The following CTDSPL2 variants were observed in gnomAD, a reference collection of about 807,000 sequenced individuals.
The protein encoded by CTDSPL2 is CTD small phosphatase-like protein 2.
A neutral mutation model predicts 60.0 loss-of-function variants in CTDSPL2; 5 were observed. That is an observed-to-expected ratio of 0.08 (90% confidence interval 0.04 to 0.18). CTDSPL2 has a LOEUF of 0.18. CTDSPL2 is among the 10% of genes least tolerant of loss of function. The pLI is 1.00. For synonymous variants in CTDSPL2, 186 were observed against 189.3 expected (o/e 0.98, Z 0.14); for missense variants, 370 against 548.8 (o/e 0.67, Z 3.26).
intron 8 of CTDSPL2, among the ~76,000 whole-genome samples, chr15:44,504,595 C>G (rs533557764): frequency 6.6e-6 from 1 of 151,662 alleles, no homozygotes; most frequent in Non-Finnish European, 1.5e-5. Context: ...CTTTTGAGGC[C>G]GGGGCAGTGG....
chr15:44,468,992 C>G (rs1265525762), intron 2 of CTDSPL2, among the ~76,000 whole-genome samples: 3 of 151,896 alleles, frequency 2.0e-5, no homozygotes, highest in African/African-American at 7.3e-5. Context: ...TGTGTAGATA[C>G]CACTCTGTTT....
rs763876759 is a variant in CTDSPL2, at chr15:44,486,749, A to G, written c.475+49A>G. The G allele has an allele frequency of 5.2e-5, 64 of 1,226,870 alleles. 1 individual carries two copies. The highest frequency in any genetic ancestry group is 2.7e-5 in the Admixed American group (1 of 36,860). The allele number at this position is 1,226,870 out of a possible 1,614,324, so 76.0% of individuals were successfully genotyped here. On this transcript the variant is annotated intron_variant, in intron 4 of 12. Coordinates refer to ENST00000260327, the MANE Select transcript of CTDSPL2 (RefSeq NM_016396.3). ...ATTTGGATTTTTTTTAAAAAAATGC[A>G]TAGTTTGGGTTTTTTTTTTTTTTTT...
chr15:44,514,422 T>G (rs117861501), intron 8 of CTDSPL2, among the ~76,000 whole-genome samples, 176 bp from the exon 9 acceptor site: 2 of 152,380 alleles, frequency 1.3e-5, no homozygotes, highest in East Asian at 3.9e-4. Context: ...GAGATTGGTT[T>G]AAGTGATCGC....
chr15:44,467,284 C>A (rs947091798), intron 2 of CTDSPL2, among the ~76,000 whole-genome samples: 1 of 152,208 alleles, frequency 6.6e-6, no homozygotes, highest in East Asian at 1.9e-4. Context: ...GTTTTGCTTA[C>A]CCTTTGTCAT....
intron 12 of CTDSPL2, among the ~76,000 whole-genome samples, chr15:44,522,532 C>G (rs529877407): frequency 2.0e-5 from 3 of 152,188 alleles, no homozygotes; most frequent in East Asian, 1.9e-4. Flanking sequence ...GCAGGCAGAT[C>G]ACTTGAGGTC....
Position 44,491,876 on chromosome 15 carries a change from G to A in CTDSPL2, c.691+877G>A, listed in dbSNP as rs888464807. ...AGCCTGGGCAAAAGAGCCAGACCCT[G>A]TCTGGGGTGGAGTCTCACTCTGTCG... On this transcript the variant is annotated intron_variant, in intron 5 of 12. Transcript: ENST00000260327. 2.0e-5 allele frequency among the ~76,000 whole-genome samples: 3 copies of A among 152,190 alleles called. No homozygotes were observed. In the South Asian group the frequency reaches 6.2e-4, roughly 32 times the overall value.
At position 44,524,100 on chromosome 15, in the gene CTDSPL2, T is replaced by G; in HGVS notation, c.1336-9T>G. On this transcript the variant is annotated splice_polypyrimidine_tract_variant and intron_variant, in intron 12 of 12. Coordinates refer to ENST00000260327, the MANE Select transcript of CTDSPL2 (RefSeq NM_016396.3). Reference sequence around the variant, plus strand: ...ATGCCTTTTTAAAAATTGTCTTTTTTCCACGCAGAATGAAGATGTTCGACC... The same window carrying G: ...ATGCCTTTTTAAAAATTGTCTTTTTGCCACGCAGAATGAAGATGTTCGACC... The G allele has an allele frequency of 6.2e-7, 1 of 1,613,180 alleles. No homozygotes were observed. Among genetic ancestry groups the G allele is most frequent in the South Asian group, 1.1e-5 (1 of 91,042 alleles).
In CTDSPL2 at chr15:44,490,946, A is replaced by G. The variant is rs771280790; in HGVS notation, c.638A>G (p.Asn213Ser). The change falls in exon 5 of 13, where the codon AAT becomes AGT. Residue 213 changes from asparagine (N) to serine (S), a missense_variant. Transcript: ENST00000260327. The part of the protein sequence containing the change: ...QAVQVRPSLN[N>S]GLEEAEETVN... ...GTTCAAGTGAGACCATCACTAAACA[A>G]TGGTTTAGAAGAAGCAGAAGAAACA... 1.1e-5 allele frequency: 17 copies of G among 1,614,176 alleles called. No homozygotes were observed. Among genetic ancestry groups the G allele is most frequent in the Middle Eastern group, 1.7e-4 (1 of 6,052 alleles).
At chr15:44,443,641 G>A (rs1045232660) in intron 1 of CTDSPL2, among the ~76,000 whole-genome samples, 4 of 151,938 alleles carry the variant, frequency 2.6e-5, no homozygotes, top group Non-Finnish European at 5.9e-5. Flanking sequence ...GTTTTAATTA[G>A]CATTTCCGTG....
At chr15:44,510,354 A>G (rs1346159030) in intron 8 of CTDSPL2, among the ~76,000 whole-genome samples, 1 of 152,158 alleles carries the variant, frequency 6.6e-6, no homozygotes, top group Non-Finnish European at 1.5e-5. Flanking sequence ...GTTTTGCATA[A>G]TGAACATGTT....
At chr15:44,501,428 A>T (rs1255280608) in intron 8 of CTDSPL2, among the ~76,000 whole-genome samples, 1 of 152,086 alleles carries the variant, frequency 6.6e-6, no homozygotes, top group African/African-American at 2.4e-5. Flanking sequence ...TCTCTTCAGT[A>T]TGATCATAAA....
At chr15:44,491,936 T>C (rs1237233332) in intron 5 of CTDSPL2, among the ~76,000 whole-genome samples, 2 of 152,024 alleles carry the variant, frequency 1.3e-5, no homozygotes, top group Admixed American at 6.6e-5. Flanking sequence ...TGATCTTGGC[T>C]CACTGCAACC....
Position 44,518,892 on chromosome 15 carries a change from G to A in CTDSPL2, c.1113-277G>A, listed in dbSNP as rs75969165. 4.7e-3 allele frequency: 887 copies of A among 190,622 alleles called. 2 individuals carry two copies. The highest frequency in any genetic ancestry group is 7.2e-3 in the Non-Finnish European group (678 of 93,566). 11.8% of individuals were successfully genotyped at this position (190,622 alleles called of 1,614,324 possible). A position where few individuals can be genotyped will look rare whatever the true frequency, so the allele number is the denominator to read the frequency against. On this transcript the variant is annotated intron_variant, in intron 10 of 12. Transcript: ENST00000260327. ...AAATAAATTACAAAAACAATTTAGAGTTTTTAATCCCCCTTTATAATTTAA... is the reference window on the plus strand; with the variant it reads ...AAATAAATTACAAAAACAATTTAGAATTTTTAATCCCCCTTTATAATTTAA...
chr15:44,477,003 C>T (rs1239273539), intron 2 of CTDSPL2, among the ~76,000 whole-genome samples: 1 of 152,272 alleles, frequency 6.6e-6, no homozygotes, highest in East Asian at 1.9e-4. Flanking sequence ...GTGAAAGGAT[C>T]GCTTGAGCCC....
At chr15:44,455,839 A>ATTTTTTTTT (rs35307134) in intron 1 of CTDSPL2, among the ~76,000 whole-genome samples, 4 of 47,510 alleles carry the variant, frequency 8.4e-5, no homozygotes, top group African/African-American at 1.9e-4. Flanking sequence ...TTTATTGAGG[A>ATTTTTTTTT]TTTTTTTTTT....
intron 2 of CTDSPL2, among the ~76,000 whole-genome samples, chr15:44,482,549 T>C (rs2081047865): frequency 6.6e-6 from 1 of 152,226 alleles, no homozygotes; most frequent in Non-Finnish European, 1.5e-5. Flanking sequence ...TCAAAGACTT[T>C]ATAAAGAGAG....
chr15:44,435,780 T>C (rs1009921466), intron 1 of CTDSPL2, among the ~76,000 whole-genome samples: 2 of 151,852 alleles, frequency 1.3e-5, no homozygotes, highest in Non-Finnish European at 2.9e-5. Flanking sequence ...CTAATTTTTG[T>C]GCTTTTAGTA....
At chr15:44,452,577 C>G (rs543256265) in intron 1 of CTDSPL2, among the ~76,000 whole-genome samples, 1 of 151,998 alleles carries the variant, frequency 6.6e-6, no homozygotes, top group Non-Finnish European at 1.5e-5. Context: ...ATCAGTGAGT[C>G]AAAGAGTTTG....
At chr15:44,514,108 C>G (rs2081611669) in intron 8 of CTDSPL2, among the ~76,000 whole-genome samples, 1 of 152,122 alleles carries the variant, frequency 6.6e-6, no homozygotes. Context: ...CCAGACGTCT[C>G]CTTTTGAATA....
Sources: gnomAD v4.1 joint callset for allele counts (sites outside exome capture counted in the v4.1 genomes callset) on GRCh38, gnomAD v4.1.1 for gene constraint, MANE v1.5 for transcripts, NCBI Gene and HGNC (gene_info 2026-07-23, HGNC 2026-07-21) for gene names.